Variants in AGAP1 observed in about 807,000 individuals in gnomAD.
AGAP1 encodes arf-GAP with GTPase, ANK repeat and PH domain-containing protein 1.
Under a neutral mutation model 105.3 loss-of-function variants are expected in AGAP1, and 29 were observed. That is an observed-to-expected ratio of 0.28 (90% CI 0.21 to 0.38). The LOEUF (loss-of-function observed/expected upper bound fraction) is 0.38, where lower values mean the gene tolerates loss of function less well. Among genes scored for constraint, AGAP1 ranks in the 10% least tolerant of loss-of-function variants. AGAP1 has a pLI of 1.00. For synonymous variants in AGAP1, 509 were observed against 485.9 expected, an observed-to-expected ratio of 1.05 and a Z score of -0.63; for missense variants, 998 against 1,165.1, an observed-to-expected ratio of 0.86 and a Z score of 2.09.
chr2:235,980,256 G>A (rs1398047691), intron 13 of AGAP1, among the ~76,000 whole-genome samples: 1 of 152,208 alleles, frequency 6.6e-6, no homozygotes, highest in African/African-American at 2.4e-5. Flanking sequence ...ATTGATGGCT[G>A]TTGTCTGGGT....
Position 235,642,301 on chromosome 2 carries a change from T to G in AGAP1, c.164-66878T>G, listed in dbSNP as rs1223534451. On this transcript the variant is annotated intron_variant, in intron 1 of 17. Coordinates refer to ENST00000304032, the MANE Select transcript of AGAP1 (RefSeq NM_001037131.3). This position sits in a 1 kb window ranked among gnomAD's most constrained non-coding sequence, Gnocchi z 4.1. ...AGTGGGGGAGGATTTACAAAGAAAC[T>G]TGAGGTGAGGGGCCCTCTGCACTCA... Among the ~76,000 whole-genome samples the G allele has an allele frequency of 6.6e-6, 1 of 152,208 alleles. No homozygotes were observed. Among genetic ancestry groups the G allele is most frequent in the African/African-American group, 2.4e-5 (1 of 41,456 alleles).
rs2056163453 is a variant in AGAP1 at position 236,002,466 on chromosome 2, A to C, written c.1645+33843A>C. Among the ~76,000 whole-genome samples the C allele has an allele frequency of 1.3e-5, 2 of 152,182 alleles. No homozygotes were observed. The highest frequency in any genetic ancestry group is 4.8e-5 in the African/African-American group (2 of 41,424). On this transcript the variant is annotated intron_variant, in intron 13 of 17. Coordinates refer to ENST00000304032, the MANE Select transcript of AGAP1 (RefSeq NM_001037131.3). The surrounding 1 kb of genome is among the most constrained non-coding windows in gnomAD (Gnocchi z 4.3). ...GAGAGGCTGTGTGTTTTCATAAGCG[A>C]ATCCTGATTTTCTGACAAAAGAGAC...
Position 236,046,576 on chromosome 2 carries a change from G to A in AGAP1, c.1892-2483G>A, listed in dbSNP as rs2057723545. On this transcript the variant is annotated intron_variant, in intron 15 of 17. Coordinates refer to ENST00000304032, the MANE Select transcript of AGAP1 (RefSeq NM_001037131.3). The surrounding 1 kb of genome is among the most constrained non-coding windows in gnomAD (Gnocchi z 5.2). Reference sequence around the variant, plus strand: ...CCTGGCAGAAGAATGCATTTGCAGAGTGGATGTTGACTAGGAGATTCTCCC... The same window carrying A: ...CCTGGCAGAAGAATGCATTTGCAGAATGGATGTTGACTAGGAGATTCTCCC... 1.3e-5 allele frequency among the ~76,000 whole-genome samples: 2 copies of A among 152,200 alleles called. No homozygotes were observed. Among genetic ancestry groups the A allele is most frequent in the African/African-American group, 4.8e-5 (2 of 41,456 alleles).
chr2:235,617,654 A>G (rs1946349263), intron 1 of AGAP1, among the ~76,000 whole-genome samples: 1 of 152,178 alleles, frequency 6.6e-6, no homozygotes, highest in Non-Finnish European at 1.5e-5. Flanking sequence ...GTGAGCCGAG[A>G]TCCCGCCACT....
intron 6 of AGAP1, among the ~76,000 whole-genome samples, chr2:235,775,235 C>G (rs13420126): frequency 0.01 from 1,524 of 152,286 alleles, 29 homozygotes; most frequent in African/African-American, 0.035. Context: ...CTGTAGCACA[C>G]TCTTTGGCAC....
chr2:235,978,473 C>T (rs888966552), intron 13 of AGAP1, among the ~76,000 whole-genome samples: 2 of 152,286 alleles, frequency 1.3e-5, no homozygotes, highest in African/African-American at 4.8e-5. Context: ...CCTGCTTGTG[C>T]GCTACCTCAT....
intron 1 of AGAP1, among the ~76,000 whole-genome samples, chr2:235,646,270 C>CAA (rs3056061): frequency 0.53 from 59,468 of 112,448 alleles, 14,871 homozygotes; most frequent in Admixed American, 0.59. Flanking sequence ...ACTCTGTCTC[C>CAA]AAAAAAAAAA....
At position 235,651,382 on chromosome 2, in the gene AGAP1, TC is replaced by T. The variant is rs544566901; in HGVS notation, c.164-57795del. Among the ~76,000 whole-genome samples, 29 of 152,126 alleles carry T rather than the reference TC, an allele frequency of 1.9e-4. 1 individual carries two copies. The South Asian group carries it at 6.0e-3, about 32-fold the overall frequency. On this transcript the variant is annotated intron_variant, in intron 1 of 17. Coordinates refer to ENST00000304032, the MANE Select transcript of AGAP1 (RefSeq NM_001037131.3). ...TTAACATGTTTTGTTTTTGACATAC[TC>T]CAGTCCTCATTTTGACAAGCTTAAG... is the stretch of plus-strand genomic sequence containing the variant.
intron 9 of AGAP1, among the ~76,000 whole-genome samples, chr2:235,861,631 C>T (rs1034725090): frequency 6.6e-6 from 1 of 152,194 alleles, no homozygotes. Context: ...TTGCAGGGAG[C>T]GCATGCTGAC....
At position 235,741,108 on chromosome 2, in the gene AGAP1, T is replaced by G. The variant is rs1251964075; in HGVS notation, c.396+60T>G. On this transcript the variant is annotated intron_variant, in intron 4 of 17. Coordinates refer to ENST00000304032, the MANE Select transcript of AGAP1 (RefSeq NM_001037131.3). The surrounding 1 kb of genome is among the most constrained non-coding windows in gnomAD (Gnocchi z 4.9). ...TTCCCTTTGTTTTCTAAGGTTTGAT[T>G]CAAGAAGTGCTTCTAGAAATCGGTG... 7.2e-7 allele frequency: 1 copy of G among 1,388,366 alleles called. No individual in the cohort carries two copies. The highest frequency in any genetic ancestry group is 9.7e-7 in the Non-Finnish European group (1 of 1,032,758). The allele number at this position is 1,388,366 out of a possible 1,614,324, so 86.0% of individuals were successfully genotyped here. A position where few individuals can be genotyped will look rare whatever the true frequency, so the allele number is the denominator to read the frequency against.
intron 13 of AGAP1, among the ~76,000 whole-genome samples, chr2:236,010,222 G>T (rs1200540325): frequency 6.6e-6 from 1 of 152,124 alleles, no homozygotes; most frequent in Admixed American, 6.5e-5. Context: ...AAAAGCTGTA[G>T]CTTCTAAAAA....
intron 1 of AGAP1, among the ~76,000 whole-genome samples, chr2:235,657,930 A>C (rs1018126459): frequency 6.6e-6 from 1 of 152,140 alleles, no homozygotes; most frequent in Admixed American, 6.5e-5. Context: ...ATGTGAGGAC[A>C]CAGGGGGAAG....
chr2:236,087,411 AT>A lies in AGAP1; in HGVS notation c.2115-32778del, dbSNP rs2058959984. On this transcript the variant is annotated intron_variant, in intron 16 of 17. Coordinates refer to ENST00000304032, the MANE Select transcript of AGAP1 (RefSeq NM_001037131.3). This position sits in a 1 kb window ranked among gnomAD's most constrained non-coding sequence, Gnocchi z 5.7. ...ACAGACAACCTCGTCTTGCAGGATC[AT>A]TTACCTTTTATATTATGACCTAGCC... Among the ~76,000 whole-genome samples, 1 of 152,146 alleles carries A rather than the reference AT, an allele frequency of 6.6e-6. No homozygotes were observed. Among genetic ancestry groups the A allele is most frequent in the African/African-American group, 2.4e-5 (1 of 41,420 alleles).
At position 235,577,912 on chromosome 2, in the gene AGAP1, G is replaced by A. The variant is rs1299610745; in HGVS notation, c.163+83063G>A. Among the ~76,000 whole-genome samples the A allele has an allele frequency of 2.0e-5, 3 of 152,076 alleles. No individual in the cohort carries two copies. The highest frequency in any genetic ancestry group is 2.9e-5 in the Non-Finnish European group (2 of 68,026). On this transcript the variant is annotated intron_variant, in intron 1 of 17. Coordinates refer to ENST00000304032, the MANE Select transcript of AGAP1 (RefSeq NM_001037131.3). This position sits in a 1 kb window ranked among gnomAD's most constrained non-coding sequence, Gnocchi z 4.5. Reference sequence around the variant, plus strand: ...ACCAAACACTGAGCCTGGTCTGAGCGGGGCTGTTTGTTGAGGCTCCTGATG... The same window carrying A: ...ACCAAACACTGAGCCTGGTCTGAGCAGGGCTGTTTGTTGAGGCTCCTGATG...
At chr2:235,540,351 C>T (rs1383074793) in intron 1 of AGAP1, among the ~76,000 whole-genome samples, 1 of 152,050 alleles carries the variant, frequency 6.6e-6, no homozygotes, top group Non-Finnish European at 1.5e-5. Context: ...GGGGTTTTGC[C>T]ATTGTTGACC....
At chr2:235,933,806 C>T (rs932656091) in intron 12 of AGAP1, among the ~76,000 whole-genome samples, 4 of 152,220 alleles carry the variant, frequency 2.6e-5, no homozygotes, top group African/African-American at 9.6e-5. Flanking sequence ...GCTGGGATTA[C>T]AGGCATGAGC....
At chr2:235,693,031 AC>A (rs1949813609) in intron 1 of AGAP1, among the ~76,000 whole-genome samples, 2 of 151,962 alleles carry the variant, frequency 1.3e-5, no homozygotes, top group Non-Finnish European at 2.9e-5. Flanking sequence ...GTCAGATTCC[AC>A]TTGCTGGCCT....
rs2149659594 is a variant in AGAP1, at chr2:235,740,428, A to G, written c.311-535A>G. Among the ~76,000 whole-genome samples the G allele has an allele frequency of 6.6e-6, 1 of 152,218 alleles. No homozygotes were observed. Among genetic ancestry groups the G allele is most frequent in the East Asian group, 1.9e-4 (1 of 5,172 alleles). Reference sequence around the variant, plus strand: ...AGTTTCTGTCTAACCCATGTGTAGTAGTGAAGCGTCCCTCCCTAATTGTGG... The same window carrying G: ...AGTTTCTGTCTAACCCATGTGTAGTGGTGAAGCGTCCCTCCCTAATTGTGG... On this transcript the variant is annotated intron_variant, in intron 3 of 17. Coordinates refer to ENST00000304032, the MANE Select transcript of AGAP1 (RefSeq NM_001037131.3). The surrounding 1 kb of genome is among the most constrained non-coding windows in gnomAD (Gnocchi z 5.7).
intron 1 of AGAP1, among the ~76,000 whole-genome samples, chr2:235,706,303 C>T (rs1296867013): frequency 6.6e-6 from 1 of 152,208 alleles, no homozygotes; most frequent in African/African-American, 2.4e-5. Context: ...CGGCTCACTG[C>T]AACCTCCGCC....
Sources: gnomAD v4.1 joint callset for allele counts (sites outside exome capture counted in the v4.1 genomes callset) on GRCh38, gnomAD v4.1.1 for gene constraint, Gnocchi (gnomAD v3.1) non-coding constraint, MANE v1.5 for transcripts, NCBI Gene and HGNC (gene_info 2026-07-23, HGNC 2026-07-21) for gene names.